Variants in AMOTL1 observed in about 807,000 individuals in gnomAD.
AMOTL1 encodes angiomotin-like protein 1.
A neutral mutation model predicts 102.9 loss-of-function variants in AMOTL1; 45 were observed. That is an observed-to-expected ratio of 0.44 (90% CI 0.34 to 0.56). The LOEUF (loss-of-function observed/expected upper bound fraction) is 0.56. Among genes scored for constraint, AMOTL1 ranks in the 20% least tolerant of loss-of-function variants. The pLI, the probability that AMOTL1 is intolerant of heterozygous loss-of-function variation, is 0.01. For synonymous variants in AMOTL1, 481 were observed against 484.7 expected, an observed-to-expected ratio of 0.99 and a Z score of 0.10; for missense variants, 1,114 against 1,225.6, an observed-to-expected ratio of 0.91 and a Z score of 1.36.
At position 94,756,801 on chromosome 11, in the gene AMOTL1, C is replaced by T. The variant is rs543663422; in HGVS notation, c.136+15813C>T. Among the ~76,000 whole-genome samples, 300 of 152,298 alleles carry T rather than the reference C, an allele frequency of 2.0e-3. 2 individuals carry two copies. Among genetic ancestry groups the T allele is most frequent in the African/African-American group, 6.7e-3 (277 of 41,556 alleles). ...TTCTGAGTGCTTTCTAGCTGAGAAACATTTCACTTAAAATTTGGCACTGAG... is the reference window on the plus strand; with the variant it reads ...TTCTGAGTGCTTTCTAGCTGAGAAATATTTCACTTAAAATTTGGCACTGAG... On this transcript the variant is annotated intron_variant, in intron 3 of 4. Coordinates refer to the AMOTL1 transcript ENST00000299004.
intron 2 of AMOTL1, among the ~76,000 whole-genome samples, chr11:94,737,290 A>G (rs1376905274): frequency 6.6e-6 from 1 of 152,236 alleles, no homozygotes; most frequent in African/African-American, 2.4e-5. Flanking sequence ...ATGCAAACTA[A>G]AAGTTGGAGA....
At chr11:94,742,548 G>T (rs1340049059) in intron 3 of AMOTL1, among the ~76,000 whole-genome samples, 1 of 152,154 alleles carries the variant, frequency 6.6e-6, no homozygotes, top group Non-Finnish European at 1.5e-5. Flanking sequence ...TTACAGACTG[G>T]ACTGCCCCCA....
At chr11:94,725,906 C>A (rs141876501) in intron 1 of AMOTL1, among the ~76,000 whole-genome samples, 1 of 152,082 alleles carries the variant, frequency 6.6e-6, no homozygotes, top group Non-Finnish European at 1.5e-5. Context: ...TGATCAGATG[C>A]GTGCTTTAAA....
At chr11:94,868,956 A>AT (rs1491244641) in intron 11 of AMOTL1, among the ~76,000 whole-genome samples, 1 of 151,260 alleles carries the variant, frequency 6.6e-6, no homozygotes, top group Non-Finnish European at 1.5e-5. Flanking sequence ...AAAAAAAAAA[A>AT]CAAAAAAAAC....
intron 1 of AMOTL1, among the ~76,000 whole-genome samples, chr11:94,722,505 C>T (rs535575790): frequency 6.6e-6 from 1 of 152,294 alleles, no homozygotes; most frequent in African/African-American, 2.4e-5. Context: ...CCCTACAAAG[C>T]ATGTGCTATG....
At chr11:94,812,396 A>G (rs962236697) in intron 3 of AMOTL1, among the ~76,000 whole-genome samples, 9 of 152,204 alleles carry the variant, frequency 5.9e-5, no homozygotes, top group African/African-American at 2.2e-4. Context: ...TGCATTATTT[A>G]GAGTCTCTGA....
chr11:94,866,217 C>A, intron 11 of AMOTL1, 49 bp downstream of exon 11: 1 of 1,564,798 alleles, frequency 6.4e-7, no homozygotes, highest in Non-Finnish European at 8.8e-7. Context: ...CAAGACCAGA[C>A]AGCTTCTCTG....
chr11:94,723,526 T>C (rs779180314), intron 1 of AMOTL1, among the ~76,000 whole-genome samples: 12 of 152,152 alleles, frequency 7.9e-5, no homozygotes, highest in Non-Finnish European at 1.2e-4. Context: ...ATTTAAAATA[T>C]TAACATCAAT....
intron 3 of AMOTL1, among the ~76,000 whole-genome samples, chr11:94,807,848 AG>A (rs957215912): frequency 6.9e-6 from 1 of 144,424 alleles, no homozygotes; most frequent in Non-Finnish European, 1.5e-5. Flanking sequence ...TTAGTATCTA[AG>A]CTGCAGTTCC....
chr11:94,720,708 G>A (rs1950162680), intron 1 of AMOTL1, among the ~76,000 whole-genome samples: 1 of 152,056 alleles, frequency 6.6e-6, no homozygotes, highest in South Asian at 2.1e-4. Context: ...CAGGGCATCT[G>A]ATTAGCCCGT....
At chr11:94,842,222 G>T (rs192559263) in intron 6 of AMOTL1, among the ~76,000 whole-genome samples, 2 of 152,084 alleles carry the variant, frequency 1.3e-5, no homozygotes, top group Admixed American at 6.5e-5. Context: ...TATAAGACAC[G>T]TCGGTTATCT....
In AMOTL1 at chr11:94,821,730, C is replaced by G. The variant is rs756358820; in HGVS notation, c.1322C>G (p.Ala441Gly). 36 of 1,613,882 alleles carry G rather than the reference C, an allele frequency of 2.2e-5. No individual in the cohort carries two copies. Among genetic ancestry groups the G allele is most frequent in the Non-Finnish European group, 2.9e-5 (34 of 1,179,910 alleles). The change falls in exon 4 of 13, where the codon GCC (alanine) becomes GGC (glycine). Residue 441 changes from alanine (A) to glycine (G), a missense_variant. Transcript: ENST00000433060. The part of the protein sequence containing the change: ...GPDAFAIVER[A>G]QQMVEILTEE... ...GATGCCTTTGCGATTGTGGAGCGAG[C>G]CCAGCAAATGGTGGAGATATTAACA...
At chr11:94,711,748 G>T (rs1950025009) in intron 1 of AMOTL1, among the ~76,000 whole-genome samples, 1 of 152,058 alleles carries the variant, frequency 6.6e-6, no homozygotes, top group Non-Finnish European at 1.5e-5. Flanking sequence ...TATCCAGGTT[G>T]TTATGCGTAT....
At chr11:94,771,127 GA>G (rs1950942600) in intron 1 of AMOTL1, among the ~76,000 whole-genome samples, 1 of 152,046 alleles carries the variant, frequency 6.6e-6, no homozygotes, top group Admixed American at 6.6e-5. Flanking sequence ...AATTGCTAGT[GA>G]AAATTGTAAA....
At chr11:94,820,289 T>A (rs983805802) in intron 3 of AMOTL1, 1 of 152,486 alleles carries the variant, frequency 6.6e-6, no homozygotes, top group African/African-American at 2.4e-5. Context: ...CACCTGGGCC[T>A]CATTGGACTC....
intron 9 of AMOTL1, among the ~76,000 whole-genome samples, chr11:94,862,713 G>C (rs79709281): frequency 0.024 from 3,729 of 152,276 alleles, 80 homozygotes; most frequent in African/African-American, 0.052. Context: ...TGAATTTTCA[G>C]ATTTGTTTCC....
At chr11:94,724,559 G>A (rs1199520704) in intron 1 of AMOTL1, among the ~76,000 whole-genome samples, 2 of 152,070 alleles carry the variant, frequency 1.3e-5, no homozygotes, top group African/African-American at 2.4e-5. Context: ...TTCATTATTT[G>A]CAGATCCCTG....
chr11:94,729,037 T>G (rs751171464), exon 2 of AMOTL1: 109 of 1,289,072 alleles, frequency 8.5e-5, no homozygotes, highest in Middle Eastern at 4.3e-4. Context: ...AATTCATCAT[T>G]TTGCCAGCAC....
intron 2 of AMOTL1, among the ~76,000 whole-genome samples, chr11:94,734,694 C>T (rs80124162): frequency 0.054 from 8,191 of 152,168 alleles, 500 homozygotes; most frequent in East Asian, 0.17. Flanking sequence ...ATTGCTTCCC[C>T]GCTCTGCTCT....
Sources: gnomAD v4.1 joint callset for allele counts (sites outside exome capture counted in the v4.1 genomes callset) on GRCh38, gnomAD v4.1.1 for gene constraint, MANE v1.5 for transcripts, NCBI Gene and HGNC (gene_info 2026-07-23, HGNC 2026-07-21) for gene names.